TBC1D21: variants seen among roughly 807,000 people sequenced by gnomAD.
The protein encoded by TBC1D21 is male germ cell Rab GTPase-activating protein.
In TBC1D21, 38 loss-of-function variants were observed where a neutral mutation model predicts 46.0. The ratio of observed to expected loss-of-function variants is 0.83; its 90% CI spans 0.64 to 1.08. The LOEUF (loss-of-function observed/expected upper bound fraction) is 1.08. Among genes scored for constraint, TBC1D21 ranks in the 50% least tolerant of loss-of-function variants. TBC1D21 has a pLI of 0.00. For synonymous variants in TBC1D21, 151 were observed against 157.2 expected (o/e 0.96, Z 0.29); for missense variants, 415 against 417.9 (o/e 0.99, Z 0.06).
chr15:73,873,671 G>A lies in TBC1D21; in HGVS notation c.-39G>A. 6.3e-7 allele frequency: 1 copy of A among 1,582,366 alleles called. No individual in the cohort carries two copies. Among genetic ancestry groups the A allele is most frequent in the Non-Finnish European group, 8.6e-7 (1 of 1,161,152 alleles). The stretch of plus-strand genomic sequence containing the variant: ...ATTAAGCATCACTAGGGCTCCAAGT[G>A]AGTTCTGATCAGAGGCTGTTCGGAA... On this transcript the variant is annotated 5_prime_UTR_variant, in exon 1 of 11. Transcript: ENST00000300504.
chr15:73,877,873 TA>T (rs764135007), intron 1 of TBC1D21, among the ~76,000 whole-genome samples: 104 of 151,236 alleles, frequency 6.9e-4, no homozygotes, highest in Non-Finnish European at 1.2e-3. Context: ...CATCCATTCC[TA>T]ATTAAAAACT....
At chr15:73,884,692 C>A (rs2068210886) in intron 4 of TBC1D21, 89 bp from the exon 5 acceptor site, 2 of 880,200 alleles carry the variant, frequency 2.3e-6, no homozygotes, top group Admixed American at 2.0e-5. Context: ...TGTCCTAGGG[C>A]CTGCCCATTG....
the TBC1D21 span, chr15:73,908,184 T>C: frequency 6.6e-6 from 1 of 152,262 alleles, no homozygotes; most frequent in Non-Finnish European, 1.5e-5. Context: ...ACTGTGGGGC[T>C]GTCAAATGTG....
At chr15:73,897,710 G>C in the TBC1D21 span, among the ~76,000 whole-genome samples, 1 of 152,234 alleles carries the variant, frequency 6.6e-6, no homozygotes, top group Non-Finnish European at 1.5e-5. Context: ...TGCCGAGAGG[G>C]AGGAAGCCTA....
Position 73,886,581 on chromosome 15 carries a change from A to G in TBC1D21, c.746A>G (p.Lys249Arg). ...TGCTTCTGCTTCCAGCGTGCCTTCAAGTCCTTCGATGATGTCTGGAGGCTC... is the reference window on the plus strand; with the variant it reads ...TGCTTCTGCTTCCAGCGTGCCTTCAGGTCCTTCGATGATGTCTGGAGGCTC... ...WFCFCFQRAFKSFDDVWRLWE... is the reference protein window; with the variant it reads ...WFCFCFQRAFRSFDDVWRLWE... Residue 249 changes from lysine to arginine, a missense_variant, in exon 8 of 11, where the codon AAG becomes AGG. By Grantham distance (26) the Lys-to-Arg change is conservative. Transcript: ENST00000300504. 1 of 1,613,616 alleles carries G rather than the reference A, an allele frequency of 6.2e-7. No homozygotes were observed.
At chr15:73,884,753 A>G in intron 4 of TBC1D21, 28 bp from the exon 5 acceptor site, 1 of 1,550,764 alleles carries the variant, frequency 6.4e-7, no homozygotes, top group Non-Finnish European at 8.9e-7. Flanking sequence ...ATCTGGTGCC[A>G]CCTACTTGCC....
intron 3 of TBC1D21, among the ~76,000 whole-genome samples, chr15:73,882,490 C>T (rs2068173354): frequency 6.6e-6 from 1 of 152,170 alleles, no homozygotes; most frequent in African/African-American, 2.4e-5. Context: ...CCCACCCTTC[C>T]TTCAAGGCCC....
intron 3 of TBC1D21, among the ~76,000 whole-genome samples, chr15:73,883,568 C>T (rs2068191509): frequency 6.6e-6 from 1 of 152,164 alleles, no homozygotes; most frequent in African/African-American, 2.4e-5. Context: ...GATTTGGGGT[C>T]CACCTGGAAA....
intron 4 of TBC1D21, 24 bp downstream of exon 4, chr15:73,884,269 G>T (rs1242918017): frequency 6.2e-7 from 1 of 1,607,522 alleles, no homozygotes; most frequent in Non-Finnish European, 8.5e-7. Flanking sequence ...GGTGGAGAGG[G>T]CTGGGCAGAG....
intron 1 of TBC1D21, among the ~76,000 whole-genome samples, chr15:73,876,222 T>TGTTTG (rs1567062344): frequency 3.9e-5 from 2 of 50,968 alleles, no homozygotes; most frequent in Admixed American, 1.9e-4. Flanking sequence ...TTTTTTTTTT[T>TGTTTG]TTTTTTTTTT....
chr15:73,896,963 A>T, the TBC1D21 span, among the ~76,000 whole-genome samples: 1 of 152,196 alleles, frequency 6.6e-6, no homozygotes, highest in Non-Finnish European at 1.5e-5. Context: ...TCAAGATGTC[A>T]AGAAATAGCC....
chr15:73,898,880 A>AAAAAAAAATATATAT, the TBC1D21 span, among the ~76,000 whole-genome samples: 15 of 56,786 alleles, frequency 2.6e-4, no homozygotes, highest in South Asian at 6.1e-4. Context: ...AAAAAAAAAA[A>AAAAAAAAATATATAT]ATATATATAT....
chr15:73,892,854 A>G (rs2068348004), downstream of TBC1D21, among the ~76,000 whole-genome samples: 2 of 152,246 alleles, frequency 1.3e-5, no homozygotes, highest in South Asian at 2.1e-4. Context: ...TTCCATGACA[A>G]TAACACAATA....
the TBC1D21 span, among the ~76,000 whole-genome samples, chr15:73,909,620 T>C: frequency 6.6e-6 from 1 of 152,122 alleles, no homozygotes; most frequent in African/African-American, 2.4e-5. Flanking sequence ...TAGGAACACC[T>C]GTCCCAATTG....
At position 73,881,519 on chromosome 15, in the gene TBC1D21, G is replaced by C; in HGVS notation, c.168+13G>C. The C allele has an allele frequency of 1.2e-6, 2 of 1,612,134 alleles. No individual in the cohort carries two copies. Among genetic ancestry groups the C allele is most frequent in the African/African-American group, 1.3e-5 (1 of 75,022 alleles). On this transcript the variant is annotated intron_variant, in intron 2 of 10. Coordinates refer to ENST00000300504, the MANE Select transcript of TBC1D21 (RefSeq NM_153356.3). ...CATCCTGGAAAGGGTGGGTCCCCAA[G>C]CTACCCTTGGCCTTGCCCTGGAACT... is the stretch of plus-strand genomic sequence containing the variant.
chr15:73,875,966 A>G (rs892980332), intron 1 of TBC1D21, among the ~76,000 whole-genome samples: 2 of 152,302 alleles, frequency 1.3e-5, no homozygotes, highest in South Asian at 4.1e-4. Flanking sequence ...TCTGATTTCT[A>G]GCATAGGCAG....
At chr15:73,877,423 A>G (rs1375292181) in intron 1 of TBC1D21, among the ~76,000 whole-genome samples, 1 of 151,606 alleles carries the variant, frequency 6.6e-6, no homozygotes, top group Non-Finnish European at 1.5e-5. Context: ...ACTTTCCCAC[A>G]AAGAAAACTT....
chr15:73,874,999 C>A (rs1228053667), intron 1 of TBC1D21, among the ~76,000 whole-genome samples: 3 of 152,144 alleles, frequency 2.0e-5, no homozygotes, highest in African/African-American at 4.8e-5. Context: ...GTAATCCCAG[C>A]ACTTTGGGAG....
In TBC1D21 at chr15:73,884,234, G is replaced by A. The variant is rs142388512; in HGVS notation, c.356G>A (p.Arg119His). The part of the protein sequence containing the change: ...ENLHRNFTET[R>H]NNIARDIQKI... Reference sequence around the variant, plus strand: ...CTGCACCGGAACTTCACAGAGACTCGCAATAACATTGGTGAGCAAAGTGGG... The same window carrying A: ...CTGCACCGGAACTTCACAGAGACTCACAATAACATTGGTGAGCAAAGTGGG... The change falls in exon 4 of 11, where the codon CGC becomes CAC. Residue 119 changes from arginine (R) to histidine (H), a missense_variant. By Grantham distance (29) the Arg-to-His change is conservative. Transcript: ENST00000300504. 42 of 1,614,044 alleles carry A rather than the reference G, an allele frequency of 2.6e-5. No individual in the cohort carries two copies. Among genetic ancestry groups the A allele is most frequent in the African/African-American group, 2.0e-4 (15 of 74,938 alleles).
Sources: allele counts gnomAD v4.1 joint callset (sites outside exome capture counted in the v4.1 genomes callset), GRCh38; gene constraint gnomAD v4.1.1; transcripts MANE v1.5; gene names NCBI Gene and HGNC (gene_info 2026-07-23, HGNC 2026-07-21).